CDKN2B-AS1: variants seen among roughly 807,000 people sequenced by gnomAD.
CDKN2B-AS1 encodes CDKN2B and CDKN2A antisense cis and trans regulatory RNA 1, also known as CDKN2B antisense RNA 1 (non-protein coding).
chr9:22,100,972 A>C (rs1825461123), intron 4 of CDKN2B-AS1, among the ~76,000 whole-genome samples: 1 of 152,018 alleles, frequency 6.6e-6, no homozygotes, highest in African/African-American at 2.4e-5. Flanking sequence ...CTATTTGAAT[A>C]TTTTGCCCAA....
intron 3 of CDKN2B-AS1, among the ~76,000 whole-genome samples, chr9:22,054,047 G>A (rs1367177945): frequency 2.6e-5 from 4 of 151,986 alleles, no homozygotes; most frequent in Non-Finnish European, 4.4e-5. Context: ...TCTGCAAAAC[G>A]GAAATTATAA....
At chr9:22,105,037 G>C (rs1825610879) in intron 4 of CDKN2B-AS1, among the ~76,000 whole-genome samples, 1 of 152,134 alleles carries the variant, frequency 6.6e-6, no homozygotes, top group Non-Finnish European at 1.5e-5. Flanking sequence ...CTCAGCCTTA[G>C]GTATTCTGAC....
At chr9:22,038,823 A>G (rs1386658214) in intron 1 of CDKN2B-AS1, among the ~76,000 whole-genome samples, 1 of 152,046 alleles carries the variant, frequency 6.6e-6, no homozygotes, top group African/African-American at 2.4e-5. Flanking sequence ...TGTTTCAATT[A>G]TTTTTAAAGT....
At chr9:22,044,606 T>C (rs1312909918) in intron 1 of CDKN2B-AS1, among the ~76,000 whole-genome samples, 1 of 152,026 alleles carries the variant, frequency 6.6e-6, no homozygotes, top group Non-Finnish European at 1.5e-5. Flanking sequence ...CAGAACCTGG[T>C]TTTTACCTGT....
chr9:22,091,974 C>A (rs938267396), intron 4 of CDKN2B-AS1, among the ~76,000 whole-genome samples: 1 of 152,070 alleles, frequency 6.6e-6, no homozygotes, highest in African/African-American at 2.4e-5. Context: ...ATAGATAGCT[C>A]TTATTATTTT....
chr9:22,088,388 A>T (rs1029101822), intron 4 of CDKN2B-AS1, among the ~76,000 whole-genome samples: 1 of 152,130 alleles, frequency 6.6e-6, no homozygotes, highest in African/African-American at 2.4e-5. Context: ...CTGGAAAACC[A>T]TGGTTCTTCT....
At chr9:22,098,187 A>G (rs201146534) in intron 4 of CDKN2B-AS1, among the ~76,000 whole-genome samples, 2 of 139,790 alleles carry the variant, frequency 1.4e-5, no homozygotes, top group African/African-American at 6.2e-5. Flanking sequence ...GTGTGTGTGT[A>G]TTTATATATG....
intron 1 of CDKN2B-AS1, among the ~76,000 whole-genome samples, chr9:22,026,499 C>T (rs1295363453): frequency 1.3e-5 from 2 of 152,254 alleles, no homozygotes; most frequent in African/African-American, 4.8e-5. Flanking sequence ...AGATGGGGGC[C>T]TGCCCCTCCT....
chr9:22,045,719 G>A (rs1312436887), intron 1 of CDKN2B-AS1, among the ~76,000 whole-genome samples: 2 of 151,958 alleles, frequency 1.3e-5, no homozygotes, highest in Non-Finnish European at 2.9e-5. Context: ...AGTTAACCTT[G>A]GGGGTCATAT....
intron 4 of CDKN2B-AS1, among the ~76,000 whole-genome samples, chr9:22,060,663 G>C (rs1414743257): frequency 6.6e-6 from 1 of 152,108 alleles, no homozygotes; most frequent in Non-Finnish European, 1.5e-5. Flanking sequence ...TACTGTATTA[G>C]TCTGTTTTCA....
At chr9:22,034,445 G>A (rs1364565920) in intron 1 of CDKN2B-AS1, among the ~76,000 whole-genome samples, 1 of 152,148 alleles carries the variant, frequency 6.6e-6, no homozygotes. Context: ...GTGAAAAGAA[G>A]CCCGAGTTAG....
chr9:21,996,850 T>C lies in CDKN2B-AS1; in HGVS notation n.29+1689T>C, dbSNP rs1449616231. ...TGGAGTGGGAGCGGTGAGGGTTTCT[T>C]GGGCCTAGACAATGTAACTAGTTGT... On this transcript the variant is annotated intron_variant and non_coding_transcript_variant, in intron 1 of 4. Coordinates refer to ENST00000650946, the Ensembl canonical transcript of CDKN2B-AS1. This position sits in a 1 kb window ranked among gnomAD's most constrained non-coding sequence, Gnocchi z 5.4. Among the ~76,000 whole-genome samples the C allele has an allele frequency of 1.3e-5, 2 of 152,182 alleles. No individual in the cohort carries two copies. Among genetic ancestry groups the C allele is most frequent in the Non-Finnish European group, 2.9e-5 (2 of 68,028 alleles).
At chr9:22,034,023 A>G (rs1467439532) in intron 1 of CDKN2B-AS1, among the ~76,000 whole-genome samples, 1 of 152,214 alleles carries the variant, frequency 6.6e-6, no homozygotes, top group Non-Finnish European at 1.5e-5. Flanking sequence ...TTTTTAAAAA[A>G]TCAAAGGTGT....
intron 1 of CDKN2B-AS1, among the ~76,000 whole-genome samples, chr9:22,021,775 C>A (rs1039990153): frequency 6.6e-6 from 1 of 152,014 alleles, no homozygotes; most frequent in African/African-American, 2.4e-5. Flanking sequence ...TATTTGGATG[C>A]CTTTATTTCT....
Position 22,094,235 on chromosome 9 carries a change from C to G in CDKN2B-AS1, n.439-32868C>G, listed in dbSNP as rs906551866. Among the ~76,000 whole-genome samples, 8 of 143,894 alleles carry G rather than the reference C, an allele frequency of 5.6e-5. No individual in the cohort carries two copies. In the East Asian group the frequency reaches 5.9e-4, roughly 11 times the overall value. 94.4% of individuals were successfully genotyped at this position (143,894 alleles called of 152,430 possible). Reference sequence around the variant, plus strand: ...TTTGTGGGTAACCCGACCTTTCTCTCTGGCTGCCCTTAACATTTTTTCCTT... The same window carrying G: ...TTTGTGGGTAACCCGACCTTTCTCTGTGGCTGCCCTTAACATTTTTTCCTT... On this transcript the variant is annotated intron_variant and non_coding_transcript_variant, in intron 4 of 4. Transcript: ENST00000650946.
chr9:22,109,372 T>A (rs761762700), intron 4 of CDKN2B-AS1, among the ~76,000 whole-genome samples: 5 of 152,228 alleles, frequency 3.3e-5, no homozygotes, highest in African/African-American at 4.8e-5. Flanking sequence ...GGTCTATTTT[T>A]TCTTTGGAAT....
intron 4 of CDKN2B-AS1, among the ~76,000 whole-genome samples, chr9:22,111,006 A>G (rs966895417): frequency 6.6e-6 from 1 of 152,176 alleles, no homozygotes; most frequent in Non-Finnish European, 1.5e-5. Context: ...GTGTGTAGCT[A>G]TAGTTTATTC....
intron 4 of CDKN2B-AS1, among the ~76,000 whole-genome samples, chr9:22,079,469 C>CA (rs976414270): frequency 3.5e-4 from 46 of 131,768 alleles, no homozygotes; most frequent in Non-Finnish European, 7.8e-5. Flanking sequence ...GCTTGGGTGA[C>CA]AGAGCAAGAC....
At chr9:22,068,944 G>T (rs976391021) in intron 4 of CDKN2B-AS1, among the ~76,000 whole-genome samples, 4 of 152,124 alleles carry the variant, frequency 2.6e-5, no homozygotes, top group African/African-American at 9.7e-5. Context: ...ATTACCCCAG[G>T]GACCTATGCT....
Sources: allele counts gnomAD v4.1 joint callset (sites outside exome capture counted in the v4.1 genomes callset), GRCh38; gene constraint gnomAD v4.1.1; non-coding constraint Gnocchi (gnomAD v3.1); transcripts MANE v1.5; gene names NCBI Gene and HGNC (gene_info 2026-07-23, HGNC 2026-07-21).